PTPRD: variants seen among roughly 807,000 people sequenced by gnomAD.
PTPRD encodes the protein receptor-type tyrosine-protein phosphatase delta.
In PTPRD, 34 loss-of-function variants were observed where a neutral mutation model predicts 214.5. The ratio of observed to expected loss-of-function variants is 0.16; its 90% CI spans 0.12 to 0.21. The LOEUF (loss-of-function observed/expected upper bound fraction) is 0.21, where lower values mean the gene tolerates loss of function less well. Ranked by LOEUF, PTPRD falls within the 10% of genes least tolerant of loss-of-function variation. PTPRD has a pLI of 1.00. For missense variants in PTPRD, 2,545 were observed against 2,398.7 expected (o/e 1.06, Z -1.27); for synonymous variants, 1,128 against 845.7 (o/e 1.33, Z -5.79).
At chr9:9,021,457 T>C (rs1222341575) in intron 10 of PTPRD, among the ~76,000 whole-genome samples, 1 of 152,194 alleles carries the variant, frequency 6.6e-6, no homozygotes, top group Non-Finnish European at 1.5e-5. Context: ...ATGGTATTAA[T>C]ACTTGATAAT....
chr9:10,214,344 T>G (rs1294910111), intron 3 of PTPRD, among the ~76,000 whole-genome samples: 1 of 152,034 alleles, frequency 6.6e-6, no homozygotes. Flanking sequence ...TGATGTTGTG[T>G]TGGCTCACTG....
At chr9:9,059,355 G>T (rs769511811) in intron 10 of PTPRD, among the ~76,000 whole-genome samples, 1 of 152,126 alleles carries the variant, frequency 6.6e-6, no homozygotes, top group Non-Finnish European at 1.5e-5. Flanking sequence ...AAATTCTCAG[G>T]GCTCATGAGG....
At chr9:10,542,584 TTTC>T (rs1444211703) in intron 2 of PTPRD, among the ~76,000 whole-genome samples, 1 of 152,170 alleles carries the variant, frequency 6.6e-6, no homozygotes, top group Non-Finnish European at 1.5e-5. Context: ...CTTATAAACA[TTTC>T]TTATTTATTT....
rs538577483 is a variant in PTPRD at position 8,424,448 on chromosome 9, A to AG, written c.4086+12143dup. 1.5e-3 allele frequency among the ~76,000 whole-genome samples: 233 copies of AG among 152,278 alleles called. No homozygotes were observed. In the Middle Eastern group the frequency reaches 0.02, roughly 13 times the overall value. Reference sequence around the variant, plus strand: ...CCTTCTGTAACATGGGGAGACTAACAGTACCTACCTGGAAGGACTGAATGA... The same window carrying AG: ...CCTTCTGTAACATGGGGAGACTAACAGGTACCTACCTGGAAGGACTGAATGA... On this transcript the variant is annotated intron_variant, in intron 35 of 45. Transcript: ENST00000381196.
intron 12 of PTPRD, among the ~76,000 whole-genome samples, chr9:8,672,910 T>C (rs1351362227): frequency 6.6e-6 from 1 of 152,034 alleles, no homozygotes; most frequent in African/African-American, 2.4e-5. Context: ...AATCTTTCTG[T>C]TTCAATTCTG....
intron 12 of PTPRD, among the ~76,000 whole-genome samples, chr9:8,700,214 C>CA (rs1309010866): frequency 1.3e-5 from 2 of 152,142 alleles, no homozygotes; most frequent in African/African-American, 4.8e-5. Context: ...CATCATACTA[C>CA]AAAATTACTT....
intron 9 of PTPRD, among the ~76,000 whole-genome samples, chr9:9,186,528 T>C (rs2099931605): frequency 6.6e-6 from 1 of 151,984 alleles, no homozygotes; most frequent in African/African-American, 2.4e-5. Context: ...GGAAGATCGA[T>C]TGAGCTCCAG....
chr9:9,298,852 G>T (rs1954139153), intron 9 of PTPRD, among the ~76,000 whole-genome samples: 1 of 151,702 alleles, frequency 6.6e-6, no homozygotes, highest in African/African-American at 2.4e-5. Flanking sequence ...TATAAAATAT[G>T]ATTATACCAC....
intron 11 of PTPRD, among the ~76,000 whole-genome samples, chr9:8,881,687 GC>G (rs1302531726): frequency 8.5e-5 from 13 of 152,138 alleles, no homozygotes; most frequent in Admixed American, 7.2e-4. Context: ...GTTTTTAAAA[GC>G]TTTTAAGACC....
chr9:10,285,605 CTTTTTTTTTT>C (rs34225956), intron 3 of PTPRD, among the ~76,000 whole-genome samples: 2 of 104,094 alleles, frequency 1.9e-5, no homozygotes, highest in African/African-American at 3.8e-5. Context: ...GGGGTCTCAT[CTTTTTTTTTT>C]TTTTTTTTTT....
chr9:9,039,264 A>G (rs2099631796), intron 10 of PTPRD, among the ~76,000 whole-genome samples: 1 of 152,196 alleles, frequency 6.6e-6, no homozygotes, highest in African/African-American at 2.4e-5. Flanking sequence ...AGCAATGGAA[A>G]TATGAGATGC....
intron 2 of PTPRD, among the ~76,000 whole-genome samples, chr9:10,481,592 A>G (rs570669025): frequency 6.6e-6 from 1 of 152,206 alleles, no homozygotes; most frequent in Non-Finnish European, 1.5e-5. Context: ...GTTAAAATAT[A>G]GTTTTTGAAT....
chr9:9,889,514 A>G (rs1472223765), intron 5 of PTPRD, among the ~76,000 whole-genome samples: 1 of 152,158 alleles, frequency 6.6e-6, no homozygotes, highest in African/African-American at 2.4e-5. Context: ...GATGAAGACT[A>G]TTATGAGCCC....
chr9:10,428,920 C>T (rs1225948777), intron 2 of PTPRD, among the ~76,000 whole-genome samples: 1 of 151,910 alleles, frequency 6.6e-6, no homozygotes, highest in African/African-American at 2.4e-5. Context: ...ACTTAAAATT[C>T]CTAAGTCACG....
At chr9:9,265,474 G>C (rs1245775068) in intron 9 of PTPRD, among the ~76,000 whole-genome samples, 1 of 151,464 alleles carries the variant, frequency 6.6e-6, no homozygotes, top group Non-Finnish European at 1.5e-5. Context: ...GCCCAGGCTA[G>C]TCTAAAACTC....
chr9:9,569,424 T>G (rs1327867873), intron 8 of PTPRD, among the ~76,000 whole-genome samples: 1 of 151,828 alleles, frequency 6.6e-6, no homozygotes, highest in Non-Finnish European at 1.5e-5. Flanking sequence ...TAATCTGTCA[T>G]GTAAAGCTGA....
intron 2 of PTPRD, among the ~76,000 whole-genome samples, chr9:10,384,426 CA>C: frequency 6.6e-6 from 1 of 151,166 alleles, no homozygotes; most frequent in Non-Finnish European, 1.5e-5. Flanking sequence ...TCTATATGAT[CA>C]AAAATAATAA....
At chr9:9,652,619 T>TA (rs2096392880) in intron 7 of PTPRD, among the ~76,000 whole-genome samples, 1 of 145,404 alleles carries the variant, frequency 6.9e-6, no homozygotes, top group Non-Finnish European at 1.5e-5. Flanking sequence ...ATATACCACT[T>TA]TTTTTTTTTT....
chr9:9,524,814 G>T (rs1322332498), intron 8 of PTPRD, among the ~76,000 whole-genome samples: 1 of 152,054 alleles, frequency 6.6e-6, no homozygotes, highest in Non-Finnish European at 1.5e-5. Context: ...TACTAATTTT[G>T]GATTGATTTT....
Sources: gnomAD v4.1 joint callset for allele counts (sites outside exome capture counted in the v4.1 genomes callset) on GRCh38, gnomAD v4.1.1 for gene constraint, MANE v1.5 for transcripts, NCBI Gene and HGNC (gene_info 2026-07-23, HGNC 2026-07-21) for gene names.